The following PLEKHG1 variants were observed in gnomAD, a reference collection of about 807,000 sequenced individuals.
PLEKHG1 encodes the protein pleckstrin homology and RhoGEF domain containing G1, also known as pleckstrin homology domain-containing family G member 1.
PLEKHG1 carries 44 observed loss-of-function variants against 100.8 expected under a neutral mutation model. That is an observed-to-expected ratio of 0.44 (90% CI 0.34 to 0.56). The LOEUF is 0.56. PLEKHG1 is among the 20% of genes least tolerant of loss of function. PLEKHG1 has a pLI of 0.01. For missense variants in PLEKHG1, 1,545 were observed against 1,720.9 expected (o/e 0.90, Z 1.81); for synonymous variants, 640 against 662.5 (o/e 0.97, Z 0.52).
intron 3 of PLEKHG1, among the ~76,000 whole-genome samples, chr6:150,677,017 C>CA (rs1177066004): frequency 6.6e-6 from 1 of 151,934 alleles, no homozygotes; most frequent in Non-Finnish European, 1.5e-5. Flanking sequence ...CATCAATTCT[C>CA]AAACTATAGG....
intron 1 of PLEKHG1, among the ~76,000 whole-genome samples, chr6:150,614,870 T>G (rs6940787): frequency 2.0e-5 from 3 of 152,244 alleles, no homozygotes; most frequent in Non-Finnish European, 4.4e-5. Context: ...GAAACACTTA[T>G]ATATTCTCTT....
rs529878814 is a variant in PLEKHG1 at position 150,784,301 on chromosome 6, G to A, written c.513-2089G>A. Among the ~76,000 whole-genome samples, 14 of 152,336 alleles carry A rather than the reference G, an allele frequency of 9.2e-5. No homozygotes were observed. In the East Asian group the frequency reaches 1.3e-3, roughly 15 times the overall value. Reference sequence around the variant, plus strand: ...TAAAAGCTTTCAGAATGGGCTGGGGGTCATCAGAATGATACTGGAATCTCA... The same window carrying A: ...TAAAAGCTTTCAGAATGGGCTGGGGATCATCAGAATGATACTGGAATCTCA... On this transcript the variant is annotated intron_variant, in intron 3 of 15. Transcript: ENST00000358517.
At chr6:150,720,034 AGTG>A (rs2128608816), upstream of PLEKHG1, among the ~76,000 whole-genome samples, 1 of 152,356 alleles carries the variant, frequency 6.6e-6, no homozygotes, top group Non-Finnish European at 1.5e-5. Context: ...ATGATCTGCT[AGTG>A]GTGTTTTCCA....
intron 4 of PLEKHG1, among the ~76,000 whole-genome samples, chr6:150,788,364 T>C (rs1055722409): frequency 4.6e-5 from 7 of 152,210 alleles, no homozygotes; most frequent in Non-Finnish European, 1.0e-4. Flanking sequence ...ATTGCTTTAA[T>C]TGGGAGGCCG....
In PLEKHG1 at chr6:150,757,190, C is replaced by T. The variant is rs912520176; in HGVS notation, c.412-11448C>T. On this transcript the variant is annotated intron_variant, in intron 2 of 15. Coordinates refer to ENST00000358517, the Ensembl canonical transcript of PLEKHG1. Reference sequence around the variant, plus strand: ...TTTGTTTTTGTATTTTTAGTAGAGACGGGGTTTTACCATGTTGGTCAGGCT... The same window carrying T: ...TTTGTTTTTGTATTTTTAGTAGAGATGGGGTTTTACCATGTTGGTCAGGCT... 4.6e-5 allele frequency among the ~76,000 whole-genome samples: 7 copies of T among 152,020 alleles called. No individual in the cohort carries two copies. In the East Asian group the frequency reaches 7.7e-4, roughly 17 times the overall value.
chr6:150,764,575 T>C (rs943923157), intron 2 of PLEKHG1, among the ~76,000 whole-genome samples: 1 of 152,242 alleles, frequency 6.6e-6, no homozygotes, highest in East Asian at 1.9e-4. Flanking sequence ...TCTGTGTGTT[T>C]AGGCGCACGC....
chr6:150,623,548 A>T (rs981035470), intron 1 of PLEKHG1, among the ~76,000 whole-genome samples: 3 of 152,210 alleles, frequency 2.0e-5, no homozygotes, highest in African/African-American at 7.2e-5. Context: ...TAAGTAGTAG[A>T]AGCAGAACTA....
chr6:150,809,192 C>A (rs760502194), exon 8 of PLEKHG1: 1 of 1,613,164 alleles, frequency 6.2e-7, no homozygotes, highest in Non-Finnish European at 8.5e-7. Context: ...CCGCATCCAG[C>A]GAGCCAAGAA....
intron 3 of PLEKHG1, among the ~76,000 whole-genome samples, chr6:150,681,568 G>A (rs1046780500): frequency 6.6e-6 from 1 of 151,534 alleles, no homozygotes; most frequent in Admixed American, 6.6e-5. Context: ...TAAAAAAAGA[G>A]TTGTAGAATT....
At chr6:150,817,150 C>A (rs1481207690) in intron 10 of PLEKHG1, among the ~76,000 whole-genome samples, 2 of 152,196 alleles carry the variant, frequency 1.3e-5, no homozygotes, top group African/African-American at 4.8e-5. Context: ...GTGGGTGGAA[C>A]TCACCAGTTG....
intron 3 of PLEKHG1, among the ~76,000 whole-genome samples, chr6:150,701,468 A>ATATAT (rs1780787291): frequency 2.3e-5 from 1 of 44,086 alleles, no homozygotes; most frequent in Non-Finnish European, 4.6e-5. Context: ...TATATATATA[A>ATATAT]TTATACTTTA....
chr6:150,812,629 A>G (rs1175522304), intron 10 of PLEKHG1, among the ~76,000 whole-genome samples: 1 of 152,254 alleles, frequency 6.6e-6, no homozygotes, highest in Non-Finnish European at 1.5e-5. Flanking sequence ...TAAAGTTCAC[A>G]AAAGGAAGAA....
At chr6:150,695,225 G>T (rs932823495) in intron 3 of PLEKHG1, among the ~76,000 whole-genome samples, 7 of 152,110 alleles carry the variant, frequency 4.6e-5, no homozygotes, top group Admixed American at 3.9e-4. Context: ...TTTGCTCAAT[G>T]GTTTGTGCTT....
At chr6:150,646,150 A>C (rs146855111) in intron 2 of PLEKHG1, among the ~76,000 whole-genome samples, 69 of 152,330 alleles carry the variant, frequency 4.5e-4, no homozygotes, top group African/African-American at 1.5e-3. Context: ...CCTGTTTTAC[A>C]GTTCAAAAGC....
intron 4 of PLEKHG1, among the ~76,000 whole-genome samples, chr6:150,793,006 C>T (rs750841929): frequency 6.6e-6 from 1 of 152,170 alleles, no homozygotes; most frequent in Non-Finnish European, 1.5e-5. Context: ...ACAATGGAAA[C>T]TCATTAAATA....
chr6:150,836,441 T>G (rs1478647468), intron 15 of PLEKHG1, among the ~76,000 whole-genome samples: 1 of 151,944 alleles, frequency 6.6e-6, no homozygotes, highest in African/African-American at 2.4e-5. Flanking sequence ...AATGAATTAG[T>G]TATTGAGACC....
At chr6:150,790,054 C>G (rs1326064627) in intron 4 of PLEKHG1, among the ~76,000 whole-genome samples, 2 of 152,066 alleles carry the variant, frequency 1.3e-5, no homozygotes, top group Non-Finnish European at 2.9e-5. Context: ...GAGTTTCGCT[C>G]TTGTCACCCA....
chr6:150,738,868 A>C (rs997957733), intron 2 of PLEKHG1, among the ~76,000 whole-genome samples: 1 of 152,238 alleles, frequency 6.6e-6, no homozygotes, highest in Non-Finnish European at 1.5e-5. Context: ...ATTCACAGAT[A>C]AAATGAGATG....
chr6:150,789,632 G>A (rs1785849286), intron 4 of PLEKHG1, among the ~76,000 whole-genome samples: 1 of 152,130 alleles, frequency 6.6e-6, no homozygotes, highest in South Asian at 2.1e-4. Context: ...TGAAACCATT[G>A]TTTTCTAATT....
Sources: allele counts gnomAD v4.1 joint callset (sites outside exome capture counted in the v4.1 genomes callset), GRCh38; gene constraint gnomAD v4.1.1; transcripts MANE v1.5; gene names NCBI Gene and HGNC (gene_info 2026-07-23, HGNC 2026-07-21).